SPG11: variants seen among roughly 807,000 people sequenced by gnomAD.
SPG11 encodes SPG11 vesicle trafficking associated, spatacsin.
SPG11 carries 222 observed loss-of-function variants against 274.0 expected under a neutral mutation model. The observed-to-expected ratio is 0.81, with a 90% CI of 0.73 to 0.91. The LOEUF is 0.91. Among genes scored for constraint, SPG11 ranks in the 40% least tolerant of loss-of-function variants. The pLI is 0.00. For missense variants in SPG11, 3,114 were observed against 2,872.7 expected, an observed-to-expected ratio of 1.08 and a Z score of -1.92; for synonymous variants, 1,144 against 1,039.7, an observed-to-expected ratio of 1.10 and a Z score of -1.93.
intron 34 of SPG11, among the ~76,000 whole-genome samples, chr15:44,569,866 G>A (rs1230277692): frequency 6.6e-6 from 1 of 152,056 alleles, no homozygotes; most frequent in Non-Finnish European, 1.5e-5. Flanking sequence ...ATAGGCATGT[G>A]CCACCATGCC....
rs1330240355 is a variant in SPG11, at chr15:44,606,008, T to C, written c.3520+17A>G. The C allele has an allele frequency of 6.2e-7, 1 of 1,607,364 alleles. No individual in the cohort carries two copies. Among genetic ancestry groups the C allele is most frequent in the South Asian group, 1.1e-5 (1 of 90,944 alleles). On this transcript the variant is annotated intron_variant, in intron 20 of 39. Transcript: ENST00000261866. ...CACTGCTAAAACATGTCTCAAGAAG[T>C]ACCCATGATGACTTACCTCCTATAG... is the stretch of plus-strand genomic sequence containing the variant.
chr15:44,573,894 A>G (rs556424268), intron 31 of SPG11, 149 bp from the exon 32 acceptor site: 4 of 727,894 alleles, frequency 5.5e-6, no homozygotes, highest in Middle Eastern at 3.6e-4. Context: ...AAAAGCAAGT[A>G]CTGTTTTCTA....
chr15:44,565,768 C>A, intron 38 of SPG11, 86 bp downstream of exon 38: 1 of 1,555,234 alleles, frequency 6.4e-7, no homozygotes. Context: ...GTCACTAGCC[C>A]TGAGACCTTA....
chr15:44,601,246 A>G (rs1272321016), intron 20 of SPG11, among the ~76,000 whole-genome samples: 1 of 152,160 alleles, frequency 6.6e-6, no homozygotes, highest in Non-Finnish European at 1.5e-5. Context: ...TATTTAAAGT[A>G]TACAACATAA....
intron 27 of SPG11, among the ~76,000 whole-genome samples, chr15:44,591,558 A>G (rs1311560012): frequency 6.6e-6 from 1 of 152,228 alleles, no homozygotes; most frequent in Non-Finnish European, 1.5e-5. Context: ...CCAACTGGCC[A>G]TAGGGAGTAA....
At chr15:44,615,323 T>TGAA in intron 16 of SPG11, 40 bp downstream of exon 16, 3 of 1,591,186 alleles carry the variant, frequency 1.9e-6, no homozygotes, top group Non-Finnish European at 2.6e-6. Context: ...AGAGAAAATG[T>TGAA]GAAGACCTGC....
At chr15:44,636,941 A>AAAAAAAAAAAAAAAAC (rs2084284615) in intron 7 of SPG11, among the ~76,000 whole-genome samples, 1 of 118,094 alleles carries the variant, frequency 8.5e-6, no homozygotes, top group African/African-American at 3.2e-5. Flanking sequence ...AAAAAAAAAA[A>AAAAAAAAAAAAAAAAC]AAAAAAAAAA....
At chr15:44,612,054 C>T (rs927611859) in intron 17 of SPG11, among the ~76,000 whole-genome samples, 4 of 152,088 alleles carry the variant, frequency 2.6e-5, no homozygotes, top group Admixed American at 2.0e-4. Flanking sequence ...CGTGATCTGC[C>T]CGCCTTGGCC....
chr15:44,626,290 T>C, intron 11 of SPG11, 41 bp downstream of exon 11: 2 of 1,518,954 alleles, frequency 1.3e-6, no homozygotes, highest in Non-Finnish European at 1.8e-6. Context: ...CTAGAAATTA[T>C]ATTAAATACA....
At chr15:44,606,265 A>C in intron 19 of SPG11, 174 bp from the exon 20 acceptor site, 1 of 564,436 alleles carries the variant, frequency 1.8e-6, no homozygotes, top group South Asian at 2.0e-5. Flanking sequence ...GAATTATGAC[A>C]TATCTTTATA....
intron 7 of SPG11, among the ~76,000 whole-genome samples, chr15:44,639,048 C>T (rs754997710): frequency 6.0e-5 from 9 of 151,260 alleles, no homozygotes; most frequent in East Asian, 1.9e-4. Context: ...CTGTATCCTG[C>T]GTATTTTTTT....
At chr15:44,591,227 T>C (rs2082892516) in intron 27 of SPG11, among the ~76,000 whole-genome samples, 2 of 152,254 alleles carry the variant, frequency 1.3e-5, no homozygotes, top group Non-Finnish European at 2.9e-5. Flanking sequence ...ACACTGGTAG[T>C]CAGCTCACTA....
chr15:44,597,055 T>C (rs1331909300), intron 23 of SPG11, 112 bp from the exon 24 acceptor site: 2 of 970,408 alleles, frequency 2.1e-6, no homozygotes, highest in Non-Finnish European at 3.1e-6. Flanking sequence ...TAAAGCACAG[T>C]GTATTCTCCA....
Position 44,563,264 on chromosome 15 carries a change from T to G in SPG11, c.7189A>C (p.Asn2397His), listed in dbSNP as rs779892720. ...CAATATGTGAGTAATTTCTTCAGGT[T>G]TTCCATGACCATGTCAGTAGGCTGA... ...QHQPTDMVME[N>H]LKKLLTYCED... Residue 2397 changes from asparagine to histidine, a missense_variant, in exon 40 of 40, where the codon AAC becomes CAC. Transcript: ENST00000261866. The G allele has an allele frequency of 1.0e-4, 164 of 1,613,906 alleles. No individual in the cohort carries two copies. Among genetic ancestry groups the G allele is most frequent in the Non-Finnish European group, 1.4e-4 (161 of 1,179,890 alleles).
intron 39 of SPG11, 130 bp from the exon 40 acceptor site, chr15:44,563,431 T>C: frequency 1.3e-6 from 1 of 744,810 alleles, no homozygotes; most frequent in African/African-American, 1.7e-5. Context: ...CTCCACCTGC[T>C]GGGTTCAAGT....
chr15:44,564,460 G>C, intron 39 of SPG11, 87 bp downstream of exon 39: 1 of 1,320,534 alleles, frequency 7.6e-7, no homozygotes, highest in Non-Finnish European at 1.1e-6. Context: ...CTAAAGGCAT[G>C]GTGTACTTAG....
At chr15:44,620,578 G>A (rs2141025212) in intron 14 of SPG11, 175 bp from the exon 15 acceptor site, 1 of 594,354 alleles carries the variant, frequency 1.7e-6, no homozygotes, top group African/African-American at 1.9e-5. Flanking sequence ...ATCTCGCTGT[G>A]TTGCCCAGGC....
chr15:44,570,733 G>A (rs1312483081), intron 33 of SPG11, 75 bp from the exon 34 acceptor site: 1 of 1,566,660 alleles, frequency 6.4e-7, no homozygotes, highest in African/African-American at 1.4e-5. Context: ...TGGCAGGAGG[G>A]AAAAAGGGCC....
intron 30 of SPG11, among the ~76,000 whole-genome samples, chr15:44,575,581 G>C (rs2082519039): frequency 1.4e-5 from 2 of 147,618 alleles, no homozygotes; most frequent in Admixed American, 7.0e-5. Context: ...TGCAACCTCT[G>C]CCTCCAGGGC....
Sources: gnomAD v4.1 joint callset for allele counts (sites outside exome capture counted in the v4.1 genomes callset) on GRCh38, gnomAD v4.1.1 for gene constraint, MANE v1.5 for transcripts, NCBI Gene and HGNC (gene_info 2026-07-23, HGNC 2026-07-21) for gene names.